The following EWSR1 variants were observed in gnomAD, a reference collection of about 807,000 sequenced individuals.
EWSR1 encodes the protein EWS RNA binding protein 1.
A neutral mutation model predicts 92.1 loss-of-function variants in EWSR1; 14 were observed. The ratio of observed to expected loss-of-function variants is 0.15; its 90% CI spans 0.10 to 0.24. The LOEUF (loss-of-function observed/expected upper bound fraction) is 0.24. Ranked by LOEUF, EWSR1 falls within the 10% of genes least tolerant of loss-of-function variation. The probability of loss-of-function intolerance (pLI) is 1.00; values close to 1 mark genes in which losing one functional copy is unlikely to be tolerated. For missense variants in EWSR1, 637 were observed against 870.9 expected (o/e 0.73, Z 3.38); for synonymous variants, 303 against 292.9 (o/e 1.03, Z -0.35).
At position 29,299,683 on chromosome 22, in the gene EWSR1, TC is replaced by T; in HGVS notation, c.1764del (p.Phe588LeufsTer38). ...LMDRGGPGGMFRGGRGGDRGG... is the reference protein window; with the variant it reads ...LMDRGGPGGMXRGGRGGDRGG... Reference sequence around the variant, plus strand: ...GATCGTGGTGGTCCCGGTGGAATGTTCAGAGGTGGCCGTGGTGGAGACAGAG... The same window carrying T: ...GATCGTGGTGGTCCCGGTGGAATGTTAGAGGTGGCCGTGGTGGAGACAGAG... On this transcript the variant is annotated frameshift_variant, in exon 16 of 17. Transcript: ENST00000397938. LOFTEE classifies it high-confidence loss of function. 6.2e-7 allele frequency: 1 copy of T among 1,612,562 alleles called. No homozygotes were observed. Among genetic ancestry groups the T allele is most frequent in the Non-Finnish European group, 8.5e-7 (1 of 1,179,476 alleles).
At chr22:29,286,465 G>T (rs1263451023) in intron 6 of EWSR1, among the ~76,000 whole-genome samples, 1 of 151,920 alleles carries the variant, frequency 6.6e-6, no homozygotes, top group African/African-American at 2.4e-5. Context: ...GAGGTGGGCG[G>T]ATCATGAGGT....
intron 5 of EWSR1, among the ~76,000 whole-genome samples, chr22:29,278,817 T>G (rs1453385627): frequency 7.2e-6 from 1 of 138,000 alleles, no homozygotes; most frequent in Admixed American, 7.2e-5. Context: ...ATAGCAAGAC[T>G]CGGTCTCAAA....
At position 29,268,847 on chromosome 22, in the gene EWSR1, G is replaced by T. The variant is rs562834980; in HGVS notation, c.13+498G>T. Among the ~76,000 whole-genome samples the T allele has an allele frequency of 3.9e-5, 6 of 152,244 alleles. No homozygotes were observed. The South Asian group carries it at 1.2e-3, about 32-fold the overall frequency. On this transcript the variant is annotated intron_variant, in intron 1 of 16. Transcript: ENST00000397938. Reference sequence around the variant, plus strand: ...ATACCGTGGATTTGTGGGCCGAGGGGTGCCGGCCTATGAGCGGGAGCCCCG... The same window carrying T: ...ATACCGTGGATTTGTGGGCCGAGGGTTGCCGGCCTATGAGCGGGAGCCCCG...
chr22:29,278,276 G>A (rs1243086849), intron 5 of EWSR1, 60 bp downstream of exon 5: 5 of 1,505,248 alleles, frequency 3.3e-6, no homozygotes, highest in East Asian at 4.7e-5. Flanking sequence ...AAGCAACTGT[G>A]TACACTTAAA....
intron 4 of EWSR1, chr22:29,276,414 G>A (rs1386456318): frequency 5.1e-6 from 1 of 194,764 alleles, no homozygotes; most frequent in Non-Finnish European, 1.1e-5. Context: ...TACTATCTCT[G>A]TGTATAATTT....
chr22:29,281,364 C>T (rs1403111093), intron 5 of EWSR1, among the ~76,000 whole-genome samples: 5 of 44 alleles, frequency 0.11, no homozygotes, highest in Non-Finnish European at 0.15. Flanking sequence ...ATGGAGTACG[C>T]GATCTAACAG....
chr22:29,299,550 C>A (rs373295984), intron 15 of EWSR1, 49 bp from the exon 16 acceptor site: 1 of 1,544,262 alleles, frequency 6.5e-7, no homozygotes, highest in Admixed American at 1.9e-5. Flanking sequence ...GTCCACAGGG[C>A]CTCTGCAGCC....
chr22:29,279,714 T>C (rs2059412201), intron 5 of EWSR1, among the ~76,000 whole-genome samples: 1 of 152,224 alleles, frequency 6.6e-6, no homozygotes, highest in Non-Finnish European at 1.5e-5. Flanking sequence ...GAAATTACTT[T>C]TAAAATGCAC....
At chr22:29,298,190 G>T (rs2061017044) in intron 13 of EWSR1, among the ~76,000 whole-genome samples, 1 of 152,188 alleles carries the variant, frequency 6.6e-6, no homozygotes, top group East Asian at 1.9e-4. Flanking sequence ...TGTCTGTATA[G>T]ACATGCCTAT....
chr22:29,299,755 G>C lies in EWSR1; in HGVS notation c.1835G>C (p.Gly612Ala). The C allele has an allele frequency of 6.2e-7, 1 of 1,608,654 alleles. No homozygotes were observed. Among genetic ancestry groups the C allele is most frequent in the Non-Finnish European group, 8.5e-7 (1 of 1,176,768 alleles). Reference sequence around the variant, plus strand: ...GGCATGGACCGAGGTGGCTTTGGTGGAGGAAGACGAGGTGGCCCTGGGGGG... The same window carrying C: ...GGCATGGACCGAGGTGGCTTTGGTGCAGGAAGACGAGGTGGCCCTGGGGGG... ...GRGMDRGGFG[G>A]GRRGGPGGPP... The change falls in exon 16 of 17, where the codon GGA becomes GCA. Residue 612 changes from glycine (G) to alanine (A), a missense_variant. By Grantham distance (60) the Gly-to-Ala change is moderately conservative (BLOSUM62 0). This residue lies in a region of EWSR1 where 363 missense variants were observed against 447.8 expected (regional missense o/e 0.81). Transcript: ENST00000397938.
chr22:29,275,063 C>A (rs2058996343), intron 4 of EWSR1, among the ~76,000 whole-genome samples: 1 of 134 alleles, frequency 7.5e-3, no homozygotes, highest in Admixed American at 0.071. Context: ...GAAGTAATTC[C>A]TAACCTCTTC....
intron 4 of EWSR1, chr22:29,274,531 TC>T (rs1358040898): frequency 2.1e-6 from 1 of 466,060 alleles, no homozygotes; most frequent in African/African-American, 1.9e-5. Flanking sequence ...TTATTTACCT[TC>T]CCAAAGGTAT....
At chr22:29,294,785 G>A (rs1320214192) in intron 11 of EWSR1, among the ~76,000 whole-genome samples, 3 of 151,568 alleles carry the variant, frequency 2.0e-5, no homozygotes, top group South Asian at 2.1e-4. Context: ...GTGGTGACAC[G>A]CGCCTGTAGT....
At chr22:29,289,524 C>T in intron 8 of EWSR1, 1 of 232,568 alleles carries the variant, frequency 4.3e-6, no homozygotes, top group Non-Finnish European at 8.5e-6. Context: ...TCCCCTTTTC[C>T]CTATCTGGTG....
intron 5 of EWSR1, 86 bp from the exon 6 acceptor site, chr22:29,282,304 G>C: frequency 5.7e-6 from 6 of 1,048,710 alleles, no homozygotes; most frequent in Non-Finnish European, 8.1e-6. Flanking sequence ...TCGTAGCTTT[G>C]TAGCATTCTT....
At chr22:29,290,700 A>G (rs2060377015) in intron 8 of EWSR1, 2 of 1,333,550 alleles carry the variant, frequency 1.5e-6, no homozygotes, top group Non-Finnish European at 9.6e-7. Context: ...AGAACATTTT[A>G]TGGTGTGTAC....
rs368161082 is a variant in EWSR1, at chr22:29,296,221, A to G, written c.1165-18A>G. ...TAGTATATTCTAGTCATGCCTAACT[A>G]TGCTATTCTTTGTCTAGATGAACAA... is the stretch of plus-strand genomic sequence containing the variant. On this transcript the variant is annotated intron_variant, in intron 11 of 16. Coordinates refer to ENST00000397938, the MANE Select transcript of EWSR1 (RefSeq NM_005243.4). 1.9e-6 allele frequency: 3 copies of G among 1,612,578 alleles called. No individual in the cohort carries two copies. Among genetic ancestry groups the G allele is most frequent in the African/African-American group, 1.3e-5 (1 of 74,854 alleles).
chr22:29,272,230 A>G lies in EWSR1; in HGVS notation c.28A>G (p.Ser10Gly). 6.2e-7 allele frequency: 1 copy of G among 1,614,114 alleles called. No individual in the cohort carries two copies. The highest frequency in any genetic ancestry group is 1.3e-5 in the African/African-American group (1 of 75,040). MASTDYSTY[S>G]QAAAQQGYSA... ...TTTTCCTCTAGATTACAGTACCTAT[A>G]GCCAAGCTGCAGCGCAGCAGGGGTA... is the stretch of plus-strand genomic sequence containing the variant. Residue 10 changes from serine (S) to glycine (G), a missense_variant, in exon 2 of 17, where the codon AGC becomes GGC. Ser to Gly is a moderately conservative substitution (Grantham distance 56). Coordinates refer to ENST00000397938, the MANE Select transcript of EWSR1 (RefSeq NM_005243.4).
intron 1 of EWSR1, among the ~76,000 whole-genome samples, chr22:29,269,055 C>T (rs374640707): frequency 3.0e-4 from 45 of 152,358 alleles, no homozygotes; most frequent in African/African-American, 1.1e-3. Flanking sequence ...AATCCACGTC[C>T]TCCCCTCCCC....
Sources: gnomAD v4.1 joint callset for allele counts (sites outside exome capture counted in the v4.1 genomes callset) on GRCh38, gnomAD v4.1.1 for gene constraint, gnomAD v4.1.1 regional missense constraint, MANE v1.5 for transcripts, NCBI Gene and HGNC (gene_info 2026-07-23, HGNC 2026-07-21) for gene names.